Variants in OPCML observed in about 807,000 individuals in gnomAD.
OPCML encodes opioid-binding protein/cell adhesion molecule.
Under a neutral mutation model 37.8 loss-of-function variants are expected in OPCML, and 13 were observed. The ratio of observed to expected loss-of-function variants is 0.34; its 90% confidence interval spans 0.22 to 0.55. The LOEUF is 0.55. OPCML is among the 20% of genes least tolerant of loss of function. The pLI is 0.91. For synonymous variants in OPCML, 176 were observed against 168.8 expected (o/e 1.04, Z -0.33); for missense variants, 341 against 435.6 (o/e 0.78, Z 1.93).
intron 1 of OPCML, among the ~76,000 whole-genome samples, chr11:133,331,270 T>C (rs1943613358): frequency 1.3e-5 from 2 of 152,224 alleles, no homozygotes; most frequent in South Asian, 2.1e-4. Flanking sequence ...GGAGGAAGAA[T>C]TGGCTGTGGG....
At chr11:133,366,318 G>A (rs1057486946) in intron 1 of OPCML, among the ~76,000 whole-genome samples, 4 of 152,196 alleles carry the variant, frequency 2.6e-5, no homozygotes, top group Admixed American at 6.5e-5. Flanking sequence ...GGTCACCGAC[G>A]TGAGGCTGCA....
chr11:133,473,975 G>A (rs1427146507), intron 1 of OPCML, among the ~76,000 whole-genome samples: 1 of 152,168 alleles, frequency 6.6e-6, no homozygotes, highest in Non-Finnish European at 1.5e-5. Flanking sequence ...AGAATGGGCT[G>A]AGCTAAAAAG....
chr11:133,439,678 A>G (rs191000638), intron 1 of OPCML, among the ~76,000 whole-genome samples: 3,893 of 152,062 alleles, frequency 0.026, 74 homozygotes, highest in South Asian at 0.075. Flanking sequence ...CGTTTTAGCC[A>G]GGATGGTCTC....
intron 2 of OPCML, among the ~76,000 whole-genome samples, chr11:132,790,734 G>C (rs934804944): frequency 6.6e-6 from 1 of 152,174 alleles, no homozygotes; most frequent in Admixed American, 6.5e-5. Context: ...CCATCTCTTC[G>C]GGTGGAGGCA....
intron 4 of OPCML, among the ~76,000 whole-genome samples, chr11:132,493,059 C>G (rs927419759): frequency 6.6e-6 from 1 of 152,144 alleles, no homozygotes; most frequent in Non-Finnish European, 1.5e-5. Flanking sequence ...GTTTCCAGGA[C>G]CAGATGTGAG....
rs928735998 is a variant in OPCML at position 133,194,697 on chromosome 11, C to T, written c.62-251687G>A. Among the ~76,000 whole-genome samples the T allele has an allele frequency of 1.5e-4, 23 of 152,220 alleles. 1 individual carries two copies. Among genetic ancestry groups the T allele is most frequent in the Admixed American group, 1.4e-3 (21 of 15,270 alleles). ...AACACAAAAGCCTCTTCCTCAAGATCCTTTGAAAATTTCGTATTGCCTATA... is the reference window on the plus strand; with the variant it reads ...AACACAAAAGCCTCTTCCTCAAGATTCTTTGAAAATTTCGTATTGCCTATA... On this transcript the variant is annotated intron_variant, in intron 1 of 7. Transcript: ENST00000524381.
At chr11:133,004,472 G>A (rs1947068592) in intron 1 of OPCML, 2 of 985,328 alleles carry the variant, frequency 2.0e-6, no homozygotes, top group East Asian at 1.1e-4. Flanking sequence ...GCTTGGTGGA[G>A]GGGACACAGA....
At chr11:132,962,455 G>T (rs1375064675) in intron 1 of OPCML, among the ~76,000 whole-genome samples, 1 of 152,226 alleles carries the variant, frequency 6.6e-6, no homozygotes, top group Admixed American at 6.5e-5. Context: ...TCATCAGTTT[G>T]CCTAGTCAGT....
intron 2 of OPCML, among the ~76,000 whole-genome samples, chr11:132,728,778 G>A (rs1440837730): frequency 6.6e-6 from 1 of 152,092 alleles, no homozygotes; most frequent in African/African-American, 2.4e-5. Context: ...AATACTGAAA[G>A]GTAGACATTC....
intron 1 of OPCML, among the ~76,000 whole-genome samples, chr11:133,497,254 C>T (rs368836551): frequency 6.6e-6 from 1 of 152,110 alleles, no homozygotes; most frequent in African/African-American, 2.4e-5. Flanking sequence ...AATTTGAAGG[C>T]CTTTTCTTCA....
chr11:133,253,813 T>TCCTTC lies in OPCML; in HGVS notation c.61+278446_61+278450dup, dbSNP rs750850537. Among the ~76,000 whole-genome samples the TCCTTC allele has an allele frequency of 4.2e-3, 573 of 136,666 alleles. 7 individuals are homozygous for TCCTTC. Among genetic ancestry groups the TCCTTC allele is most frequent in the African/African-American group, 0.014 (499 of 35,448 alleles). 89.7% of individuals were successfully genotyped at this position (136,666 alleles called of 152,430 possible). A position where few individuals can be genotyped will look rare whatever the true frequency, so the allele number is the denominator to read the frequency against. ...TAAAGTTTCTTTTTTCCTTTTTCCC[T>TCCTTC]CCTTCCCTTCCCTTCCATTCCCTTC... On this transcript the variant is annotated intron_variant, in intron 1 of 7. Coordinates refer to ENST00000524381, the MANE Select transcript of OPCML (RefSeq NM_001012393.5).
intron 1 of OPCML, among the ~76,000 whole-genome samples, chr11:132,989,478 T>C (rs1469992494): frequency 1.3e-5 from 2 of 152,100 alleles, no homozygotes; most frequent in Non-Finnish European, 2.9e-5. Context: ...GATGCAATTA[T>C]ATGAAAATGG....
At chr11:132,766,476 A>G (rs955396649) in intron 2 of OPCML, among the ~76,000 whole-genome samples, 4 of 152,180 alleles carry the variant, frequency 2.6e-5, no homozygotes, top group Non-Finnish European at 5.9e-5. Context: ...ATTCCTGCCC[A>G]TAAATGTATA....
At chr11:132,998,780 A>G (rs1206949814) in intron 1 of OPCML, among the ~76,000 whole-genome samples, 2 of 152,202 alleles carry the variant, frequency 1.3e-5, no homozygotes, top group East Asian at 3.9e-4. Context: ...CCTATCTGCC[A>G]TGTGAGAATA....
chr11:133,214,989 T>C (rs1194904115), intron 1 of OPCML, among the ~76,000 whole-genome samples: 1 of 152,220 alleles, frequency 6.6e-6, no homozygotes, highest in Non-Finnish European at 1.5e-5. Context: ...ACATTTTTCA[T>C]CTGAAAATTT....
At chr11:133,423,280 ATTT>A in intron 1 of OPCML, 1 of 985,390 alleles carries the variant, frequency 1.0e-6, no homozygotes, top group Non-Finnish European at 1.2e-6. Flanking sequence ...AGCAATTGGA[ATTT>A]TAGGCAGAAA....
intron 1 of OPCML, among the ~76,000 whole-genome samples, chr11:133,192,830 C>T (rs1354365666): frequency 6.6e-6 from 1 of 151,582 alleles, no homozygotes; most frequent in Non-Finnish European, 1.5e-5. Context: ...TGGTAACCTC[C>T]AATCAACAGC....
chr11:133,191,825 A>C (rs1389104558), intron 1 of OPCML, among the ~76,000 whole-genome samples: 1 of 152,170 alleles, frequency 6.6e-6, no homozygotes, highest in Non-Finnish European at 1.5e-5. Context: ...GCAATCTCAC[A>C]GATGCCCATT....
chr11:133,276,470 G>A (rs911791161), intron 1 of OPCML, among the ~76,000 whole-genome samples: 13 of 152,144 alleles, frequency 8.5e-5, no homozygotes, highest in Non-Finnish European at 1.9e-4. Context: ...CACAATGCAG[G>A]AGGGAGCAAA....
Sources: allele counts gnomAD v4.1 joint callset (sites outside exome capture counted in the v4.1 genomes callset), GRCh38; gene constraint gnomAD v4.1.1; transcripts MANE v1.5; gene names NCBI Gene and HGNC (gene_info 2026-07-23, HGNC 2026-07-21).